The following RASSF8 variants were observed in gnomAD, a reference collection of about 807,000 sequenced individuals.
RASSF8 encodes ras association domain-containing protein 8.
RASSF8 carries 22 observed loss-of-function variants against 48.5 expected under a neutral mutation model. The ratio of observed to expected loss-of-function variants is 0.45; its 90% CI spans 0.32 to 0.65. RASSF8 has a LOEUF of 0.65. Ranked by LOEUF, RASSF8 falls within the 30% of genes least tolerant of loss-of-function variation. RASSF8 has a pLI of 0.03. For missense variants in RASSF8, 418 were observed against 489.2 expected (o/e 0.85, Z 1.37); for synonymous variants, 127 against 171.5 (o/e 0.74, Z 2.03).
chr12:26,051,642 C>T (rs1046609406), intron 2 of RASSF8, among the ~76,000 whole-genome samples: 9 of 152,030 alleles, frequency 5.9e-5, no homozygotes, highest in African/African-American at 1.9e-4. Context: ...AAAAGATTTC[C>T]GGTACTGTTT....
intron 2 of RASSF8, among the ~76,000 whole-genome samples, chr12:26,007,102 A>C (rs1942409962): frequency 6.6e-6 from 1 of 151,998 alleles, no homozygotes; most frequent in Non-Finnish European, 1.5e-5. Flanking sequence ...GGTTGGCCGG[A>C]GGGAGGAGGT....
At chr12:25,970,322 C>T (rs927612163) in intron 1 of RASSF8, among the ~76,000 whole-genome samples, 3 of 152,124 alleles carry the variant, frequency 2.0e-5, no homozygotes, top group South Asian at 2.1e-4. Flanking sequence ...GTCAGTTTCT[C>T]GGGATCAGTG....
chr12:26,057,141 T>A (rs917093865), intron 3 of RASSF8, among the ~76,000 whole-genome samples: 2 of 150,134 alleles, frequency 1.3e-5, no homozygotes, highest in Middle Eastern at 3.4e-3. Flanking sequence ...TCCATTTTTT[T>A]AAAATTACAC....
intron 1 of RASSF8, among the ~76,000 whole-genome samples, chr12:25,966,073 T>C (rs993143687): frequency 1.2e-4 from 18 of 152,224 alleles, no homozygotes; most frequent in Non-Finnish European, 2.1e-4. Flanking sequence ...CTGGATCTTA[T>C]GGTAGGTGTA....
chr12:26,018,347 A>T (rs1260555578), intron 2 of RASSF8, among the ~76,000 whole-genome samples: 1 of 152,130 alleles, frequency 6.6e-6, no homozygotes, highest in Non-Finnish European at 1.5e-5. Context: ...TTTTTTTAAT[A>T]AATCAATTTT....
chr12:26,062,830 T>C (rs1055630212), intron 3 of RASSF8, among the ~76,000 whole-genome samples: 5 of 152,202 alleles, frequency 3.3e-5, no homozygotes, highest in Admixed American at 3.3e-4. Flanking sequence ...GGCCAGGCAG[T>C]GTGGTAGGTG....
intron 5 of RASSF8, among the ~76,000 whole-genome samples, chr12:26,068,120 T>C (rs1317480247): frequency 6.6e-6 from 1 of 152,126 alleles, no homozygotes; most frequent in Non-Finnish European, 1.5e-5. Flanking sequence ...AATATTACCC[T>C]AACATTCATA....
At chr12:25,975,461 A>G (rs1043621424) in intron 1 of RASSF8, among the ~76,000 whole-genome samples, 1 of 152,164 alleles carries the variant, frequency 6.6e-6, no homozygotes, top group African/African-American at 2.4e-5. Flanking sequence ...CAGATTTTAG[A>G]TTAGAGAATG....
At chr12:26,031,961 C>G (rs890411100) in intron 2 of RASSF8, among the ~76,000 whole-genome samples, 1 of 152,058 alleles carries the variant, frequency 6.6e-6, no homozygotes, top group South Asian at 2.1e-4. Flanking sequence ...TGATGAAATA[C>G]ATGTTTTGGT....
intron 1 of RASSF8, among the ~76,000 whole-genome samples, chr12:25,994,657 A>G (rs917859709): frequency 6.6e-6 from 1 of 152,144 alleles, no homozygotes; most frequent in Admixed American, 6.6e-5. Context: ...GCTTTAGGCA[A>G]TTTTCCAAAT....
intron 2 of RASSF8, among the ~76,000 whole-genome samples, chr12:26,009,977 TTTGA>T (rs1942483754): frequency 6.6e-6 from 1 of 152,228 alleles, no homozygotes; most frequent in Non-Finnish European, 1.5e-5. Flanking sequence ...CCATTTATTC[TTTGA>T]TTGAAAAGAA....
At chr12:25,972,282 G>T (rs986713783) in intron 1 of RASSF8, among the ~76,000 whole-genome samples, 3 of 152,116 alleles carry the variant, frequency 2.0e-5, no homozygotes, top group Non-Finnish European at 4.4e-5. Context: ...AGGTTATGAG[G>T]AAGAATGAAG....
intron 2 of RASSF8, among the ~76,000 whole-genome samples, chr12:26,023,775 T>G (rs1320458223): frequency 1.3e-5 from 2 of 152,116 alleles, no homozygotes; most frequent in African/African-American, 4.8e-5. Context: ...TTAAAAGAAA[T>G]TATAAAAAAA....
Position 26,064,716 on chromosome 12 carries a change from C to G in RASSF8, c.322C>G (p.Pro108Ala), listed in dbSNP as rs769991944. ...AACTTTATACAGGCAGAGTCTGCCC[C>G]CCTTAGCTAAACTGAGGCCTCAGAT... ...ERTLYRQSLP[P>A]LAKLRPQIDK... is the part of the protein sequence containing the mutation. Residue 108 changes from proline (P) to alanine (A), a missense_variant, in exon 4 of 6, where the codon CCC becomes GCC. By Grantham distance (27) the Pro-to-Ala change is conservative. Coordinates refer to ENST00000689635, the MANE Select transcript of RASSF8 (RefSeq NM_001394098.1). The G allele has an allele frequency of 5.6e-6, 9 of 1,614,008 alleles. No homozygotes were observed. The Admixed American group carries it at 1.3e-4, about 24-fold the overall frequency.
At chr12:25,981,965 T>C (rs559068033) in intron 1 of RASSF8, among the ~76,000 whole-genome samples, 2 of 152,360 alleles carry the variant, frequency 1.3e-5, no homozygotes, top group Admixed American at 1.3e-4. Flanking sequence ...ATAATCGTCC[T>C]CAAATGATAC....
chr12:26,001,780 G>A (rs1565612724), intron 2 of RASSF8, among the ~76,000 whole-genome samples: 1 of 151,158 alleles, frequency 6.6e-6, no homozygotes, highest in Non-Finnish European at 1.5e-5. Flanking sequence ...CTGTTTTACA[G>A]TTAACTTAAA....
Position 26,072,709 on chromosome 12 carries a change from T to C in RASSF8, c.*3891T>C. ...ACATAAATATGCTTTTAGTACTGCTTTGCTTATGTACAAATAAATCTGTAA... is the reference window on the plus strand; with the variant it reads ...ACATAAATATGCTTTTAGTACTGCTCTGCTTATGTACAAATAAATCTGTAA... On this transcript the variant is annotated 3_prime_UTR_variant, in exon 6 of 6. Coordinates refer to ENST00000689635, the MANE Select transcript of RASSF8 (RefSeq NM_001394098.1). 1.0e-6 allele frequency: 1 copy of C among 982,560 alleles called. No individual in the cohort carries two copies. The highest frequency in any genetic ancestry group is 1.2e-6 in the Non-Finnish European group (1 of 827,288). 60.9% of individuals were successfully genotyped at this position (982,560 alleles called of 1,614,324 possible). A position where few individuals can be genotyped will look rare whatever the true frequency, so the allele number is the denominator to read the frequency against.
intron 5 of RASSF8, 111 bp downstream of exon 5, chr12:26,067,824 G>A (rs2137320941): frequency 2.1e-6 from 3 of 1,413,886 alleles, no homozygotes; most frequent in Admixed American, 3.9e-5. Flanking sequence ...GAATGCCAGG[G>A]GTATTACCAC....
intron 1 of RASSF8, among the ~76,000 whole-genome samples, chr12:25,969,570 G>A (rs1226400696): frequency 6.6e-6 from 1 of 152,166 alleles, no homozygotes; most frequent in Non-Finnish European, 1.5e-5. Context: ...CCGTGCAAGG[G>A]ATGGCTTAGA....
Sources: allele counts gnomAD v4.1 joint callset (sites outside exome capture counted in the v4.1 genomes callset), GRCh38; gene constraint gnomAD v4.1.1; transcripts MANE v1.5; gene names NCBI Gene and HGNC (gene_info 2026-07-23, HGNC 2026-07-21).